MOV10: variants seen among roughly 807,000 people sequenced by gnomAD.
MOV10 encodes Mov10 RNA helicase.
In MOV10, 39 loss-of-function variants were observed where a neutral mutation model predicts 108.4. That is an observed-to-expected ratio of 0.36 (90% confidence interval 0.28 to 0.47). The LOEUF (loss-of-function observed/expected upper bound fraction) is 0.47. Among genes scored for constraint, MOV10 ranks in the 20% least tolerant of loss-of-function variants. The pLI, the probability that MOV10 is intolerant of heterozygous loss-of-function variation, is 1.00. For synonymous variants in MOV10, 490 were observed against 523.1 expected, an observed-to-expected ratio of 0.94 and a Z score of 0.86; for missense variants, 952 against 1,297.6, an observed-to-expected ratio of 0.73 and a Z score of 4.09.
intron 2 of MOV10, chr1:112,688,571 T>C: frequency 8.7e-7 from 1 of 1,155,136 alleles, no homozygotes; most frequent in Non-Finnish European, 1.1e-6. Context: ...GGGTTGTTTG[T>C]ATTTTCTTTT....
At chr1:112,683,470 A>G (rs1672825120) in intron 2 of MOV10, among the ~76,000 whole-genome samples, 1 of 152,246 alleles carries the variant, frequency 6.6e-6, no homozygotes, top group South Asian at 2.1e-4. Context: ...CAGTGGCACA[A>G]TTGTGGCAGA....
At chr1:112,695,754 T>G in intron 11 of MOV10, among the ~76,000 whole-genome samples, 180 bp downstream of exon 11, 1 of 144,686 alleles carries the variant, frequency 6.9e-6, no homozygotes, top group African/African-American at 2.5e-5. Flanking sequence ...ATAAAACATT[T>G]GGGGGGCTGG....
At chr1:112,698,989 G>C in intron 17 of MOV10, 200 bp downstream of exon 17, 1 of 589,772 alleles carries the variant, frequency 1.7e-6, no homozygotes. Context: ...AAGCCTGCAT[G>C]TTTAACAAAC....
intron 2 of MOV10, among the ~76,000 whole-genome samples, chr1:112,676,445 G>T (rs1343902635): frequency 1.3e-5 from 2 of 152,176 alleles, no homozygotes; most frequent in Non-Finnish European, 2.9e-5. Flanking sequence ...CTCTGTTAAG[G>T]AAAAAGTAAT....
chr1:112,694,225 C>A lies in MOV10; in HGVS notation c.1295+53C>A. 1 of 1,603,866 alleles carries A rather than the reference C, an allele frequency of 6.2e-7. No homozygotes were observed. ...TGGAAGGGTCTACAGACTTCTGACC[C>A]CAGGGGAGGAGGAGTGTTTCTCCCT... On this transcript the variant is annotated intron_variant, in intron 8 of 20. Coordinates refer to ENST00000369645, the MANE Select transcript of MOV10 (RefSeq NM_001321324.2). This position sits in a 1 kb window ranked among gnomAD's most constrained non-coding sequence, Gnocchi z 4.1.
chr1:112,691,873 T>A, intron 6 of MOV10, 74 bp downstream of exon 6: 3 of 1,516,134 alleles, frequency 2.0e-6, no homozygotes, highest in Non-Finnish European at 2.7e-6. Flanking sequence ...CCCTGGCACC[T>A]CCGTCCTCAG....
At position 112,694,397 on chromosome 1, in the gene MOV10, T is replaced by A; in HGVS notation, c.1296-56T>A. The A allele has an allele frequency of 6.2e-7, 1 of 1,606,088 alleles. No homozygotes were observed. Among genetic ancestry groups the A allele is most frequent in the Non-Finnish European group, 8.5e-7 (1 of 1,174,664 alleles). On this transcript the variant is annotated intron_variant, in intron 8 of 20. Transcript: ENST00000369645. The surrounding 1 kb of genome is among the most constrained non-coding windows in gnomAD (Gnocchi z 4.1). ...TGGTTGGTGGAGAAAGTTCTGGCCCTTTATTGCCCACCTCCCCTGCCCCAA... is the reference window on the plus strand; with the variant it reads ...TGGTTGGTGGAGAAAGTTCTGGCCCATTATTGCCCACCTCCCCTGCCCCAA...
chr1:112,683,946 AATTTT>A (rs1022741546), intron 2 of MOV10, among the ~76,000 whole-genome samples: 1 of 151,694 alleles, frequency 6.6e-6, no homozygotes, highest in Non-Finnish European at 1.5e-5. Context: ...TTTAAATTTA[AATTTT>A]ATTTTATTTT....
chr1:112,697,496 TAC>T (rs781173705), intron 14 of MOV10, among the ~76,000 whole-genome samples: 3 of 152,226 alleles, frequency 2.0e-5, no homozygotes, highest in South Asian at 2.1e-4. Flanking sequence ...ATAGGGAAGA[TAC>T]AGTTTTTTCA....
At chr1:112,688,439 C>G (rs1673266395) in intron 2 of MOV10, 4 of 999,384 alleles carry the variant, frequency 4.0e-6, no homozygotes, top group South Asian at 8.7e-5. Context: ...AGCCACCTTG[C>G]CCACACACTT....
chr1:112,698,989 G>GT, intron 17 of MOV10, 200 bp downstream of exon 17: 1 of 589,774 alleles, frequency 1.7e-6, no homozygotes, highest in Admixed American at 3.1e-5. Context: ...AAGCCTGCAT[G>GT]TTTAACAAAC....
At chr1:112,699,043 C>A in intron 17 of MOV10, 1 of 496,354 alleles carries the variant, frequency 2.0e-6, no homozygotes. Flanking sequence ...AGGCCTCTGC[C>A]CTAAGGATAA....
At position 112,689,631 on chromosome 1, in the gene MOV10, G is replaced by T; in HGVS notation, c.558G>T (p.Leu186Phe). 1 of 1,614,194 alleles carries T rather than the reference G, an allele frequency of 6.2e-7. No individual in the cohort carries two copies. Among genetic ancestry groups the T allele is most frequent in the Non-Finnish European group, 8.5e-7 (1 of 1,180,030 alleles). Reference sequence around the variant, plus strand: ...CTTTCTACAATGAAGACCAGGAGTTGCCCTGTCCACTGGGCCCCGGTGAGT... The same window carrying T: ...CTTTCTACAATGAAGACCAGGAGTTTCCCTGTCCACTGGGCCCCGGTGAGT... ...QFAFYNEDQE[L>F]PCPLGPGECY... Residue 186 changes from leucine (L) to phenylalanine (F), a missense_variant, in exon 4 of 21, where the codon TTG becomes TTT. Leu to Phe is a conservative substitution (Grantham distance 22). This residue lies in a region of MOV10 where 374 missense variants were observed against 468.6 expected (regional missense o/e 0.80). Transcript: ENST00000369645.
At chr1:112,691,216 C>T (rs1673553887) in intron 5 of MOV10, among the ~76,000 whole-genome samples, 2 of 152,054 alleles carry the variant, frequency 1.3e-5, no homozygotes, top group South Asian at 4.1e-4. Context: ...ACCTGGGAGG[C>T]GGTGGTTGCA....
chr1:112,683,039 C>T (rs897720673), intron 2 of MOV10, among the ~76,000 whole-genome samples: 4 of 151,808 alleles, frequency 2.6e-5, no homozygotes, highest in Admixed American at 1.3e-4. Context: ...CCCGCCTCAG[C>T]CTCCTGAGTA....
At chr1:112,676,805 G>A (rs1244154889) in intron 2 of MOV10, among the ~76,000 whole-genome samples, 1 of 152,100 alleles carries the variant, frequency 6.6e-6, no homozygotes, top group East Asian at 1.9e-4. Context: ...GAACTAGGTG[G>A]GCCTAAGACT....
Position 112,682,226 on chromosome 1 carries a change from G to T in MOV10, c.138-6709G>T, listed in dbSNP as rs534555302. ...TTTTTGTTGTTGTTGTTTGGGTTTT[G>T]GTTTTTTGTTTTTTTAAGTCAAGGT... On this transcript the variant is annotated intron_variant, in intron 2 of 20. Transcript: ENST00000369645. 2.0e-5 allele frequency among the ~76,000 whole-genome samples: 3 copies of T among 152,172 alleles called. No individual in the cohort carries two copies. In the South Asian group the frequency reaches 6.2e-4, roughly 32 times the overall value.
intron 13 of MOV10, 37 bp from the exon 14 acceptor site, chr1:112,696,593 C>T (rs780508657): frequency 1.2e-6 from 2 of 1,612,432 alleles, no homozygotes; most frequent in Admixed American, 3.3e-5. Flanking sequence ...GAGGTTGCAC[C>T]ACTTACCTTT....
At chr1:112,682,556 A>C (rs935503429) in intron 2 of MOV10, among the ~76,000 whole-genome samples, 1 of 152,218 alleles carries the variant, frequency 6.6e-6, no homozygotes, top group African/African-American at 2.4e-5. Context: ...ACAAATGCAT[A>C]TATCTGTGTG....
Sources: allele counts gnomAD v4.1 joint callset (sites outside exome capture counted in the v4.1 genomes callset), GRCh38; gene constraint gnomAD v4.1.1; regional missense constraint gnomAD v4.1.1; non-coding constraint Gnocchi (gnomAD v3.1); transcripts MANE v1.5; gene names NCBI Gene and HGNC (gene_info 2026-07-23, HGNC 2026-07-21).